Variants in ROCK1 observed in about 807,000 individuals in gnomAD.
ROCK1 encodes the protein rho-associated protein kinase 1.
Under a neutral mutation model 196.8 loss-of-function variants are expected in ROCK1, and 36 were observed. The ratio of observed to expected loss-of-function variants is 0.18; its 90% confidence interval spans 0.14 to 0.24. ROCK1 has a LOEUF of 0.24. ROCK1 is among the 10% of genes least tolerant of loss of function. ROCK1 has a pLI of 1.00. For synonymous variants in ROCK1, 443 were observed against 515.9 expected (o/e 0.86, Z 1.91); for missense variants, 920 against 1,562.0 (o/e 0.59, Z 6.93).
intron 1 of ROCK1, among the ~76,000 whole-genome samples, chr18:21,084,052 C>T (rs2036505180): frequency 1.3e-5 from 2 of 152,084 alleles, no homozygotes; most frequent in African/African-American, 2.4e-5. Context: ...GCAAATGGTG[C>T]TGGAAAAACT....
At chr18:21,035,754 T>C (rs1222260918) in intron 9 of ROCK1, among the ~76,000 whole-genome samples, 3 of 152,208 alleles carry the variant, frequency 2.0e-5, no homozygotes, top group Admixed American at 2.0e-4. Context: ...AATGGAATAT[T>C]ATGATACATG....
chr18:21,059,689 A>G (rs923991105), intron 2 of ROCK1, among the ~76,000 whole-genome samples: 1 of 152,186 alleles, frequency 6.6e-6, no homozygotes. Context: ...ACTTCTAGGT[A>G]TCTACGCAAG....
At chr18:21,011,625 T>C (rs901426521) in intron 13 of ROCK1, among the ~76,000 whole-genome samples, 8 of 152,042 alleles carry the variant, frequency 5.3e-5, no homozygotes, top group Non-Finnish European at 1.2e-4. Context: ...CTGGCTAATT[T>C]TTGTATTTTT....
chr18:20,989,720 T>C (rs1317777957), intron 18 of ROCK1, among the ~76,000 whole-genome samples: 1 of 151,994 alleles, frequency 6.6e-6, no homozygotes, highest in African/African-American at 2.4e-5. Flanking sequence ...TAAGATGAGA[T>C]GAGAGGAGCT....
In ROCK1 at chr18:21,035,315, G is replaced by A. The variant is rs572872505; in HGVS notation, c.1051+4157C>T. Among the ~76,000 whole-genome samples, 6 of 152,298 alleles carry A rather than the reference G, an allele frequency of 3.9e-5. No homozygotes were observed. The South Asian group carries it at 1.2e-3, about 32-fold the overall frequency. On this transcript the variant is annotated intron_variant, in intron 9 of 32. Transcript: ENST00000399799. Reference sequence around the variant, plus strand: ...CCCAGCACTTTGGTGCACTGCTGCTGGGAATGTGAAATGGTGCAAATGTTG... The same window carrying A: ...CCCAGCACTTTGGTGCACTGCTGCTAGGAATGTGAAATGGTGCAAATGTTG...
At chr18:21,107,243 T>C (rs1409095682) in intron 1 of ROCK1, among the ~76,000 whole-genome samples, 1 of 152,206 alleles carries the variant, frequency 6.6e-6, no homozygotes, top group African/African-American at 2.4e-5. Flanking sequence ...AATTTCAGAT[T>C]ACGGATGCTA....
At chr18:21,064,429 A>G (rs148694256) in intron 2 of ROCK1, among the ~76,000 whole-genome samples, 141 of 152,356 alleles carry the variant, frequency 9.3e-4, no homozygotes, top group South Asian at 3.5e-3. Context: ...ATTATAAGGT[A>G]TATCTGTGTG....
At chr18:21,095,488 C>T (rs1293497661) in intron 1 of ROCK1, among the ~76,000 whole-genome samples, 7 of 152,000 alleles carry the variant, frequency 4.6e-5, no homozygotes, top group African/African-American at 1.7e-4. Context: ...AAAGAAAATA[C>T]GGTACATATA....
Position 21,110,962 on chromosome 18 carries a change from A to G in ROCK1, c.-52T>C. ...TTACCAGCACCAGCAGCGGAAAGCA[A>G]TTTCAACCAACTTCCTCCGCGGTGG... On this transcript the variant is annotated 5_prime_UTR_variant, in exon 1 of 33. Transcript: ENST00000399799. 1 of 1,482,788 alleles carries G rather than the reference A, an allele frequency of 6.7e-7. No homozygotes were observed. Among genetic ancestry groups the G allele is most frequent in the African/African-American group, 1.4e-5 (1 of 72,346 alleles). The allele number at this position is 1,482,788 out of a possible 1,614,324, so 91.9% of individuals were successfully genotyped here.
chr18:20,952,026 G>A (rs1301672982), intron 32 of ROCK1, among the ~76,000 whole-genome samples: 1 of 152,080 alleles, frequency 6.6e-6, no homozygotes, highest in Non-Finnish European at 1.5e-5. Flanking sequence ...ATTTCTCTGA[G>A]CCTTATTTAC....
chr18:21,046,523 CAGG>C (rs2036160603), intron 4 of ROCK1, among the ~76,000 whole-genome samples: 1 of 152,124 alleles, frequency 6.6e-6, no homozygotes, highest in South Asian at 2.1e-4. Flanking sequence ...TGACAGCAGT[CAGG>C]AGGAGGAGCA....
intron 13 of ROCK1, among the ~76,000 whole-genome samples, chr18:21,009,874 C>T (rs554416344): frequency 1.3e-5 from 2 of 152,308 alleles, no homozygotes; most frequent in Admixed American, 6.5e-5. Context: ...TATGGATTCG[C>T]TTTCCTTAAC....
intron 19 of ROCK1, among the ~76,000 whole-genome samples, chr18:20,984,791 G>A (rs2035563435): frequency 6.6e-6 from 1 of 152,048 alleles, no homozygotes; most frequent in Non-Finnish European, 1.5e-5. Flanking sequence ...CAATCAGCAT[G>A]AAAATTCTGT....
chr18:21,025,960 T>C (rs572945133), intron 10 of ROCK1, among the ~76,000 whole-genome samples: 1 of 152,270 alleles, frequency 6.6e-6, no homozygotes, highest in Admixed American at 6.5e-5. Context: ...AAGTGCATGA[T>C]AATGTAGGAC....
At chr18:21,079,271 T>C (rs1263010040) in intron 1 of ROCK1, among the ~76,000 whole-genome samples, 1 of 152,204 alleles carries the variant, frequency 6.6e-6, no homozygotes, top group Admixed American at 6.5e-5. Context: ...TTCTCCTCTT[T>C]TTTTCCTTGG....
intron 22 of ROCK1, among the ~76,000 whole-genome samples, chr18:20,974,134 C>G (rs1355085010): frequency 3.9e-5 from 6 of 152,270 alleles, no homozygotes; most frequent in African/African-American, 7.2e-5. Flanking sequence ...TTTTGTGATA[C>G]TCTACTCTGA....
intron 18 of ROCK1, 104 bp downstream of exon 18, chr18:20,991,072 T>A (rs534761564): frequency 7.3e-4 from 648 of 888,868 alleles, no homozygotes; most frequent in Non-Finnish European, 1.0e-3. Context: ...TAATTTATAT[T>A]ATACTTTCTA....
At position 21,111,275 on chromosome 18, in the gene ROCK1, G is replaced by C. The variant is rs112807514; in HGVS notation, c.-365C>G. The C allele has an allele frequency of 9.8e-4, 463 of 471,090 alleles. 3 individuals carry two copies. Among genetic ancestry groups the C allele is most frequent in the African/African-American group, 8.5e-3 (421 of 49,356 alleles). The allele number at this position is 471,090 out of a possible 1,614,324, so 29.2% of individuals were successfully genotyped here. A position where few individuals can be genotyped will look rare whatever the true frequency, so the allele number is the denominator to read the frequency against. On this transcript the variant is annotated 5_prime_UTR_variant, in exon 1 of 33. Transcript: ENST00000399799. This position sits in a 1 kb window ranked among gnomAD's most constrained non-coding sequence, Gnocchi z 4.2. Reference sequence around the variant, plus strand: ...CCCCGTCCCGAGATGGGCAGGAGCGGGTAGAGAAAGAGAAGCAGGGTGGAG... The same window carrying C: ...CCCCGTCCCGAGATGGGCAGGAGCGCGTAGAGAAAGAGAAGCAGGGTGGAG...
intron 5 of ROCK1, among the ~76,000 whole-genome samples, chr18:21,044,626 G>A (rs2036139514): frequency 2.0e-5 from 3 of 152,122 alleles, no homozygotes; most frequent in South Asian, 2.1e-4. Context: ...GAAACTATTC[G>A]TCTAATGAAT....
Sources: allele counts gnomAD v4.1 joint callset (sites outside exome capture counted in the v4.1 genomes callset), GRCh38; gene constraint gnomAD v4.1.1; non-coding constraint Gnocchi (gnomAD v3.1); transcripts MANE v1.5; gene names NCBI Gene and HGNC (gene_info 2026-07-23, HGNC 2026-07-21).